Variants in FFAR4 observed in about 807,000 individuals in gnomAD.
FFAR4 encodes the protein free fatty acid receptor 4.
A neutral mutation model predicts 27.0 loss-of-function variants in FFAR4; 19 were observed. The observed-to-expected ratio is 0.70, with a 90% CI of 0.49 to 1.03. FFAR4 has a LOEUF of 1.03. Ranked by LOEUF, FFAR4 falls within the 50% of genes least tolerant of loss-of-function variation. FFAR4 has a pLI of 0.00. For synonymous variants in FFAR4, 254 were observed against 215.6 expected (o/e 1.18, Z -1.56); for missense variants, 476 against 479.0 (o/e 0.99, Z 0.06).
At chr10:93,579,165 G>A (rs1456425768) in intron 2 of FFAR4, 1 of 1,614,014 alleles carries the variant, frequency 6.2e-7, no homozygotes. Flanking sequence ...ACAGACCTCG[G>A]AACACCTCCT....
At position 93,576,127 on chromosome 10, in the gene FFAR4, C is replaced by A. The variant is rs1428175333; in HGVS notation, c.604C>A (p.Pro202Thr). The change falls in exon 2 of 3, where the codon CCT (proline) becomes ACT (threonine). Residue 202 changes from proline to threonine, a missense_variant. Physicochemically the swap from Pro to Thr is conservative, Grantham distance 38 (BLOSUM62 -1). Transcript: ENST00000371481. Reference sequence around the variant, plus strand: ...TTGCACACTGATTTGGCCCACCATTCCTGGAGAGATCTCGTGGGATGTCTC... The same window carrying A: ...TTGCACACTGATTTGGCCCACCATTACTGGAGAGATCTCGTGGGATGTCTC... ...SICTLIWPTI[P>T]GEISWDVSFV... 2 of 1,613,876 alleles carry A rather than the reference C, an allele frequency of 1.2e-6. No homozygotes were observed. The highest frequency in any genetic ancestry group is 3.3e-5 in the Admixed American group (2 of 60,026).
chr10:93,567,276 G>A lies in FFAR4; in HGVS notation c.556G>A (p.Gly186Ser), dbSNP rs757048270. Residue 186 changes from glycine to serine, a missense_variant, in exon 1 of 3, where the codon GGC (glycine) becomes AGC (serine). Coordinates refer to ENST00000371481, the MANE Select transcript of FFAR4 (RefSeq NM_001195755.2). Reference protein sequence around the residue: ...FFRVVPQRLPGADQEISICTL... With the variant: ...FFRVVPQRLPSADQEISICTL... ...CCGAGTCGTCCCGCAACGGCTCCCCGGCGCCGACCAGGTGAGCGCCCCTCT... is the reference window on the plus strand; with the variant it reads ...CCGAGTCGTCCCGCAACGGCTCCCCAGCGCCGACCAGGTGAGCGCCCCTCT... 14 of 1,598,700 alleles carry A rather than the reference G, an allele frequency of 8.8e-6. No homozygotes were observed. Among genetic ancestry groups the A allele is most frequent in the South Asian group, 1.1e-5 (1 of 90,906 alleles).
rs947460466 is a variant in FFAR4, at chr10:93,589,734, T to C, written c.*2125T>C. 1 of 152,130 alleles carries C rather than the reference T, an allele frequency of 6.6e-6. No individual in the cohort carries two copies. Among genetic ancestry groups the C allele is most frequent in the Admixed American group, 6.6e-5 (1 of 15,264 alleles). The allele number at this position is 152,130 out of a possible 1,614,324, so 9.4% of individuals were successfully genotyped here. A position where few individuals can be genotyped will look rare whatever the true frequency, so the allele number is the denominator to read the frequency against. ...TGGAGATGCACATTGTTTGGAGATA[T>C]AAATGGTGTTTATAGACCTATGGTT... is the stretch of plus-strand genomic sequence containing the variant. On this transcript the variant is annotated 3_prime_UTR_variant, in exon 3 of 3. Transcript: ENST00000371481.
At chr10:93,576,382 G>A (rs12220062) in intron 2 of FFAR4, among the ~76,000 whole-genome samples, 163 bp downstream of exon 2, 9,468 of 152,194 alleles carry the variant, frequency 0.062, 672 homozygotes, top group East Asian at 0.34. Context: ...GATTTTTTTA[G>A]AAGTTATATC....
intron 2 of FFAR4, among the ~76,000 whole-genome samples, chr10:93,584,931 C>A (rs1425155776): frequency 1.3e-5 from 2 of 152,116 alleles, no homozygotes; most frequent in African/African-American, 4.8e-5. Flanking sequence ...TTGTCTCGAA[C>A]CCCTGACCTC....
intron 2 of FFAR4, among the ~76,000 whole-genome samples, chr10:93,580,641 A>T (rs930315421): frequency 6.6e-6 from 1 of 152,158 alleles, no homozygotes; most frequent in Non-Finnish European, 1.5e-5. Context: ...CCTTTTCTCC[A>T]CAGAGCATCT....
chr10:93,567,090 G>T lies in FFAR4; in HGVS notation c.370G>T (p.Val124Phe). The change falls in exon 1 of 3, where the codon GTC becomes TTC. Residue 124 changes from valine (V) to phenylalanine (F), a missense_variant. Coordinates refer to ENST00000371481, the MANE Select transcript of FFAR4 (RefSeq NM_001195755.2). ...CTACGTGATGACCCTGAGCGGCAGC[G>T]TCACCATCCTCACGCTGGCCGCGGT... ...LFYVMTLSGS[V>F]TILTLAAVSL... 1 of 1,609,974 alleles carries T rather than the reference G, an allele frequency of 6.2e-7. No homozygotes were observed.
At chr10:93,568,062 T>C (rs960266773) in intron 1 of FFAR4, among the ~76,000 whole-genome samples, 1 of 152,142 alleles carries the variant, frequency 6.6e-6, no homozygotes, top group Non-Finnish European at 1.5e-5. Flanking sequence ...GGAGTGACCA[T>C]GATCGGAATA....
chr10:93,575,995 C>A lies in FFAR4; in HGVS notation c.568-96C>A. On this transcript the variant is annotated intron_variant, in intron 1 of 2. Coordinates refer to ENST00000371481, the MANE Select transcript of FFAR4 (RefSeq NM_001195755.2). ...ATGCTAGTTGTGTAACTGGGCAATG[C>A]AACCGTGTAAGTGTCAGGAAACCCT... 21 of 1,250,034 alleles carry A rather than the reference C, an allele frequency of 1.7e-5. No homozygotes were observed. In the South Asian group the frequency reaches 2.6e-4, roughly 16 times the overall value. The allele number at this position is 1,250,034 out of a possible 1,614,324, so 77.4% of individuals were successfully genotyped here.
chr10:93,579,809 A>G (rs1420333368), intron 2 of FFAR4, among the ~76,000 whole-genome samples: 3 of 152,190 alleles, frequency 2.0e-5, no homozygotes, highest in Non-Finnish European at 2.9e-5. Context: ...GAGTCCTAAG[A>G]CAGAAGTTCT....
At position 93,589,938 on chromosome 10, in the gene FFAR4, G is replaced by A. The variant is rs946673735; in HGVS notation, c.*2329G>A. 2.0e-5 allele frequency: 3 copies of A among 152,202 alleles called. No individual in the cohort carries two copies. The highest frequency in any genetic ancestry group is 7.2e-5 in the African/African-American group (3 of 41,444). The allele number at this position is 152,202 out of a possible 1,614,324, so 9.4% of individuals were successfully genotyped here. On this transcript the variant is annotated 3_prime_UTR_variant, in exon 3 of 3. Coordinates refer to ENST00000371481, the MANE Select transcript of FFAR4 (RefSeq NM_001195755.2). ...GAAATCAGCACCAGCAGTAGTGACT[G>A]CTTATGCAGTTTCTGGAGCAGCTTG...
At chr10:93,576,657 T>C (rs1428262026) in intron 2 of FFAR4, among the ~76,000 whole-genome samples, 3 of 152,218 alleles carry the variant, frequency 2.0e-5, no homozygotes. Flanking sequence ...TCAATGTTCT[T>C]TTCAGATATG....
chr10:93,571,011 G>C (rs890380792), intron 1 of FFAR4, among the ~76,000 whole-genome samples: 3 of 152,172 alleles, frequency 2.0e-5, no homozygotes, highest in African/African-American at 7.2e-5. Context: ...ACACAGTTAA[G>C]CACATAAGAA....
At chr10:93,585,745 G>A (rs1470074222) in intron 2 of FFAR4, among the ~76,000 whole-genome samples, 1 of 152,182 alleles carries the variant, frequency 6.6e-6, no homozygotes, top group Non-Finnish European at 1.5e-5. Flanking sequence ...AACAGGCCCT[G>A]TTGATGAGGG....
Position 93,587,936 on chromosome 10 carries a change from A to G in FFAR4, c.*327A>G, listed in dbSNP as rs754250356. 1 of 181,620 alleles carries G rather than the reference A, an allele frequency of 5.5e-6. No individual in the cohort carries two copies. The highest frequency in any genetic ancestry group is 1.2e-5 in the Non-Finnish European group (1 of 85,682). 11.3% of individuals were successfully genotyped at this position (181,620 alleles called of 1,614,324 possible). On this transcript the variant is annotated 3_prime_UTR_variant, in exon 3 of 3. Transcript: ENST00000371481. ...CCCCCGTCTCTACTAAAAATAAAAA[A>G]AAAAATTAGCTGGGAGTGGTGGTGG...
intron 2 of FFAR4, among the ~76,000 whole-genome samples, chr10:93,582,618 C>T (rs1343313276): frequency 6.6e-6 from 1 of 152,062 alleles, no homozygotes; most frequent in East Asian, 1.9e-4. Context: ...GTCTGTCACC[C>T]GCAGCCATTG....
At chr10:93,576,947 G>C (rs2058167673) in intron 2 of FFAR4, among the ~76,000 whole-genome samples, 2 of 152,274 alleles carry the variant, frequency 1.3e-5, no homozygotes, top group Middle Eastern at 6.8e-3. Context: ...ATTCATGAAA[G>C]CAGCTCCCAG....
intron 2 of FFAR4, among the ~76,000 whole-genome samples, chr10:93,578,277 C>T (rs1204833246): frequency 4.0e-5 from 6 of 151,828 alleles, no homozygotes; most frequent in South Asian, 2.1e-4. Flanking sequence ...ATCAGCCGGG[C>T]GTAGTGGTGG....
chr10:93,570,070 AT>A (rs961585512), intron 1 of FFAR4, among the ~76,000 whole-genome samples: 19 of 150,856 alleles, frequency 1.3e-4, no homozygotes, highest in Admixed American at 8.6e-4. Context: ...AAAAAAAAAA[AT>A]TTTTTTTAAA....
Sources: gnomAD v4.1 joint callset for allele counts (sites outside exome capture counted in the v4.1 genomes callset) on GRCh38, gnomAD v4.1.1 for gene constraint, MANE v1.5 for transcripts, NCBI Gene and HGNC (gene_info 2026-07-23, HGNC 2026-07-21) for gene names.